The following TGFBR3 variants were observed in gnomAD, a reference collection of about 807,000 sequenced individuals.
TGFBR3 encodes the protein transforming growth factor beta receptor 3, also known as transforming growth factor beta receptor type 3.
A neutral mutation model predicts 87.9 loss-of-function variants in TGFBR3; 46 were observed. The observed-to-expected ratio is 0.52, with a 90% CI of 0.41 to 0.67. TGFBR3 has a LOEUF of 0.67. Among genes scored for constraint, TGFBR3 ranks in the 30% least tolerant of loss-of-function variants. The probability of loss-of-function intolerance (pLI) is 0.00; values close to 1 mark genes in which losing one functional copy is unlikely to be tolerated. For synonymous variants in TGFBR3, 381 were observed against 391.6 expected (o/e 0.97, Z 0.32); for missense variants, 866 against 1,041.9 (o/e 0.83, Z 2.32).
At chr1:91,772,900 T>A (rs1164739553) in intron 3 of TGFBR3, among the ~76,000 whole-genome samples, 1 of 152,230 alleles carries the variant, frequency 6.6e-6, no homozygotes, top group Non-Finnish European at 1.5e-5. Context: ...ATTGTTGGCA[T>A]GAAATTTTAG....
rs886161570 is a variant in TGFBR3 at position 91,861,556 on chromosome 1, C to T, written c.-25G>A. Reference sequence around the variant, plus strand: ...TTTTTATTTCTCCAACAGTGCGTCTCGTCCAGTCACTTCAGCCTGCTCAGA... The same window carrying T: ...TTTTTATTTCTCCAACAGTGCGTCTTGTCCAGTCACTTCAGCCTGCTCAGA... On this transcript the variant is annotated 5_prime_UTR_variant, in exon 2 of 17. Transcript: ENST00000212355. The T allele has an allele frequency of 1.9e-6, 3 of 1,596,930 alleles. No homozygotes were observed. The highest frequency in any genetic ancestry group is 2.2e-5 in the East Asian group (1 of 44,770).
At chr1:91,861,374 TG>T in intron 2 of TGFBR3, 96 bp downstream of exon 2, 1 of 955,652 alleles carries the variant, frequency 1.0e-6, no homozygotes. Flanking sequence ...CACTCCAGCC[TG>T]GGTAACAGAG....
chr1:91,795,656 A>G (rs751991548), intron 3 of TGFBR3, among the ~76,000 whole-genome samples: 1 of 152,192 alleles, frequency 6.6e-6, no homozygotes, highest in Non-Finnish European at 1.5e-5. Context: ...CATATATAAA[A>G]TGAGTAATTG....
chr1:91,810,876 G>GA (rs1026982219), intron 2 of TGFBR3, among the ~76,000 whole-genome samples: 20 of 150,654 alleles, frequency 1.3e-4, no homozygotes, highest in South Asian at 4.2e-4. Context: ...ATGTGTTCTG[G>GA]AAAAAAAAAT....
rs769103679 is a variant in TGFBR3 at position 91,720,120 on chromosome 1, C to G, written c.1186G>C (p.Gly396Arg). The G allele has an allele frequency of 6.2e-7, 1 of 1,614,102 alleles. No homozygotes were observed. The highest frequency in any genetic ancestry group is 1.7e-5 in the Admixed American group (1 of 60,018). Reference protein sequence around the residue: ...LQNPPIRGGEGQNGGLPFPFP... With the variant: ...LQNPPIRGGERQNGGLPFPFP... ...GGAAACGGAAGGCCTCCATTTTGGC[C>G]TTCCCCTCCCCGGATGGGCGGGTTC... Residue 396 changes from glycine to arginine, a missense_variant, in exon 9 of 17, where the codon GGC becomes CGC. Coordinates refer to ENST00000212355, the MANE Select transcript of TGFBR3 (RefSeq NM_003243.5).
chr1:91,813,153 T>C (rs1246516899), intron 2 of TGFBR3, among the ~76,000 whole-genome samples: 2 of 152,216 alleles, frequency 1.3e-5, no homozygotes, highest in Middle Eastern at 3.2e-3. Flanking sequence ...TCTGACTTCC[T>C]TCATGATGCA....
At chr1:91,833,303 A>AC (rs1557734904) in intron 2 of TGFBR3, among the ~76,000 whole-genome samples, 1 of 141,702 alleles carries the variant, frequency 7.1e-6, no homozygotes, top group Non-Finnish European at 1.5e-5. Context: ...CTCAAAAAAA[A>AC]AAAAAAAAAA....
chr1:91,785,952 C>A (rs1674941796), intron 3 of TGFBR3, among the ~76,000 whole-genome samples: 1 of 151,814 alleles, frequency 6.6e-6, no homozygotes, highest in South Asian at 2.1e-4. Flanking sequence ...TTGATAGAAA[C>A]AGGGTTTTGC....
In TGFBR3 at chr1:91,829,186, G is replaced by C. The variant is rs539448273; in HGVS notation, c.62-31715C>G. Among the ~76,000 whole-genome samples, 403 of 152,112 alleles carry C rather than the reference G, an allele frequency of 2.6e-3. 3 individuals are homozygous for C. The highest frequency in any genetic ancestry group is 9.5e-3 in the African/African-American group (393 of 41,488). On this transcript the variant is annotated intron_variant, in intron 2 of 16. Coordinates refer to ENST00000212355, the MANE Select transcript of TGFBR3 (RefSeq NM_003243.5). ...AGGTCAGGAGTTCAAGACCAGCCTG[G>C]AGAGCATGGTGAAACCCCGTCTCTT...
intron 2 of TGFBR3, among the ~76,000 whole-genome samples, chr1:91,892,182 G>A (rs1679465170): frequency 6.6e-6 from 1 of 152,170 alleles, no homozygotes; most frequent in Non-Finnish European, 1.5e-5. Flanking sequence ...CAGGGATTCT[G>A]ATGAAGCAGG....
chr1:91,848,503 A>G (rs1391938908), intron 2 of TGFBR3, among the ~76,000 whole-genome samples: 1 of 152,242 alleles, frequency 6.6e-6, no homozygotes. Flanking sequence ...CACCTCTGGC[A>G]AAACCACTAT....
intron 2 of TGFBR3, among the ~76,000 whole-genome samples, chr1:91,848,483 C>A (rs1677595189): frequency 6.6e-6 from 1 of 152,102 alleles, no homozygotes; most frequent in Non-Finnish European, 1.5e-5. Flanking sequence ...CCACCTCTGG[C>A]AAAACCACTC....
intron 2 of TGFBR3, among the ~76,000 whole-genome samples, chr1:91,821,001 G>A (rs1476760665): frequency 6.6e-6 from 1 of 152,046 alleles, no homozygotes; most frequent in African/African-American, 2.4e-5. Context: ...CTTCTATGAG[G>A]TTGACACAAA....
At chr1:91,757,457 A>G (rs2100891293) in intron 4 of TGFBR3, among the ~76,000 whole-genome samples, 1 of 152,334 alleles carries the variant, frequency 6.6e-6, no homozygotes, top group African/African-American at 2.4e-5. Flanking sequence ...TGTATGAAAG[A>G]TATTTTAAGA....
At chr1:91,858,175 C>T (rs1178041748) in intron 2 of TGFBR3, among the ~76,000 whole-genome samples, 1 of 151,996 alleles carries the variant, frequency 6.6e-6, no homozygotes, top group African/African-American at 2.4e-5. Context: ...AAATTTGGGG[C>T]CTGACACACA....
chr1:91,901,957 G>T (rs957375859), intron 1 of TGFBR3, among the ~76,000 whole-genome samples: 1 of 136,716 alleles, frequency 7.3e-6, no homozygotes, highest in Non-Finnish European at 1.6e-5. Flanking sequence ...AAAAAAAAAC[G>T]GTATGTGTTC....
At chr1:91,835,921 TA>T (rs1333035923) in intron 2 of TGFBR3, among the ~76,000 whole-genome samples, 1 of 146,252 alleles carries the variant, frequency 6.8e-6, no homozygotes, top group Non-Finnish European at 1.5e-5. Flanking sequence ...TAACTTACCC[TA>T]AAACATTACT....
At chr1:91,729,723 G>A (rs1398404310) in intron 6 of TGFBR3, 82 bp downstream of exon 6, 9 of 1,527,858 alleles carry the variant, frequency 5.9e-6, no homozygotes, top group East Asian at 2.3e-5. Context: ...GGTGTAGGAC[G>A]GGCTACACCT....
chr1:91,748,864 A>G (rs1673437905), intron 4 of TGFBR3, among the ~76,000 whole-genome samples: 1 of 152,058 alleles, frequency 6.6e-6, no homozygotes, highest in Non-Finnish European at 1.5e-5. Context: ...CCTCATCTTA[A>G]AACAAAGACA....
Sources: gnomAD v4.1 joint callset for allele counts (sites outside exome capture counted in the v4.1 genomes callset) on GRCh38, gnomAD v4.1.1 for gene constraint, MANE v1.5 for transcripts, NCBI Gene and HGNC (gene_info 2026-07-23, HGNC 2026-07-21) for gene names.